Variants in KAZN observed in about 807,000 individuals in gnomAD.
The protein encoded by KAZN is kazrin, periplakin interacting protein.
A neutral mutation model predicts 87.4 loss-of-function variants in KAZN; 40 were observed. The observed-to-expected ratio is 0.46, with a 90% CI of 0.36 to 0.60. The LOEUF is 0.60. Ranked by LOEUF, KAZN falls within the 20% of genes least tolerant of loss-of-function variation. KAZN has a pLI of 0.00. For synonymous variants in KAZN, 466 were observed against 458.3 expected (o/e 1.02, Z -0.22); for missense variants, 898 against 1,073.9 (o/e 0.84, Z 2.29).
At chr1:14,047,898 A>G (rs1642146963) in intron 1 of KAZN, among the ~76,000 whole-genome samples, 2 of 151,712 alleles carry the variant, frequency 1.3e-5, no homozygotes, top group Admixed American at 6.6e-5. Flanking sequence ...ATAAAGAAAG[A>G]AGGAAGGAAA....
chr1:14,765,908 G>A (rs1475719558), intron 1 of KAZN, among the ~76,000 whole-genome samples: 1 of 152,182 alleles, frequency 6.6e-6, no homozygotes, highest in African/African-American at 2.4e-5. Context: ...CACACCAGAA[G>A]CCCGTCTGTG....
intron 2 of KAZN, among the ~76,000 whole-genome samples, chr1:14,376,482 C>G (rs969495970): frequency 1.3e-5 from 2 of 152,146 alleles, no homozygotes; most frequent in African/African-American, 2.4e-5. Flanking sequence ...ATCTCACTCT[C>G]TCTTGCTCTT....
intron 1 of KAZN, among the ~76,000 whole-genome samples, chr1:14,004,561 A>T (rs61777679): frequency 2.0e-5 from 3 of 152,114 alleles, no homozygotes; most frequent in African/African-American, 7.2e-5. Context: ...TGGGGTGCTT[A>T]GTGACTAGAA....
chr1:15,076,224 T>G (rs10927667), intron 8 of KAZN, among the ~76,000 whole-genome samples: 33,780 of 152,004 alleles, frequency 0.22, 4,509 homozygotes, highest in East Asian at 0.59. Context: ...GAGGTAACAG[T>G]CCCGGGTCAC....
chr1:14,552,075 G>A (rs1393620968), intron 2 of KAZN, among the ~76,000 whole-genome samples: 3 of 151,990 alleles, frequency 2.0e-5, no homozygotes, highest in African/African-American at 7.3e-5. Flanking sequence ...GTTCAAAGCT[G>A]AGATCTTAAT....
intron 2 of KAZN, among the ~76,000 whole-genome samples, chr1:14,388,880 A>G (rs1557683275): frequency 6.6e-6 from 1 of 152,230 alleles, no homozygotes; most frequent in Non-Finnish European, 1.5e-5. Context: ...GCTTCTGCAT[A>G]GCAAAGGAAA....
chr1:14,057,390 C>T (rs1642620161), intron 1 of KAZN, among the ~76,000 whole-genome samples: 1 of 152,174 alleles, frequency 6.6e-6, no homozygotes, highest in Admixed American at 6.5e-5. Flanking sequence ...TCCTCGGCCT[C>T]CCAAAGTGCT....
chr1:14,865,413 G>T (rs1335253086), intron 1 of KAZN, among the ~76,000 whole-genome samples: 1 of 152,150 alleles, frequency 6.6e-6, no homozygotes, highest in East Asian at 1.9e-4. Flanking sequence ...TTCCTGATTT[G>T]GTGTATTTTA....
intron 2 of KAZN, among the ~76,000 whole-genome samples, chr1:14,327,906 T>C (rs1406849355): frequency 4.6e-5 from 7 of 152,228 alleles, no homozygotes; most frequent in East Asian, 1.9e-4. Flanking sequence ...AATAAGATGG[T>C]CTTGCTAAGC....
chr1:13,902,361 G>A (rs1047506754), intron 1 of KAZN, among the ~76,000 whole-genome samples: 1 of 152,176 alleles, frequency 6.6e-6, no homozygotes, highest in Non-Finnish European at 1.5e-5. Flanking sequence ...CAGGGTGTAG[G>A]GGGTATATAC....
intron 1 of KAZN, among the ~76,000 whole-genome samples, chr1:14,119,787 C>T (rs148438216): frequency 4.6e-5 from 7 of 152,262 alleles, no homozygotes; most frequent in East Asian, 3.9e-4. Context: ...ACATCTGTCT[C>T]GTGTCACAAG....
At chr1:14,255,592 T>C (rs1650443147) in intron 2 of KAZN, among the ~76,000 whole-genome samples, 1 of 152,178 alleles carries the variant, frequency 6.6e-6, no homozygotes, top group Non-Finnish European at 1.5e-5. Flanking sequence ...GTTCCATCCA[T>C]CTACTGGTCT....
At chr1:14,416,608 G>A (rs1664781871) in intron 2 of KAZN, among the ~76,000 whole-genome samples, 1 of 151,982 alleles carries the variant, frequency 6.6e-6, no homozygotes, top group African/African-American at 2.4e-5. Flanking sequence ...ATGGTGGTGG[G>A]CACCTGTAAT....
intron 1 of KAZN, among the ~76,000 whole-genome samples, chr1:14,798,416 C>CTTTTTTT (rs545959773): frequency 7.9e-5 from 7 of 88,148 alleles, no homozygotes; most frequent in Non-Finnish European, 1.0e-4. Context: ...TGTTTCTTTC[C>CTTTTTTT]TTTTTTTTTT....
At chr1:14,097,340 G>A (rs1557472884) in intron 1 of KAZN, among the ~76,000 whole-genome samples, 3 of 152,146 alleles carry the variant, frequency 2.0e-5, no homozygotes, top group Admixed American at 6.5e-5. Context: ...GCTCCCTGTA[G>A]CCTAAAGCAT....
chr1:14,774,507 G>T (rs1218750592), intron 1 of KAZN, among the ~76,000 whole-genome samples: 1 of 141,584 alleles, frequency 7.1e-6, no homozygotes, highest in Non-Finnish European at 1.5e-5. Context: ...ATCTCGCTGT[G>T]TCACCCAGGC....
chr1:13,959,194 C>T (rs1641661665), intron 1 of KAZN, among the ~76,000 whole-genome samples: 1 of 152,170 alleles, frequency 6.6e-6, no homozygotes, highest in African/African-American at 2.4e-5. Context: ...CGCTTTCTAC[C>T]AGGTGAGGAT....
intron 1 of KAZN, among the ~76,000 whole-genome samples, chr1:14,870,341 G>A (rs1651999840): frequency 6.6e-6 from 1 of 152,074 alleles, no homozygotes; most frequent in South Asian, 2.1e-4. Context: ...ACTGTTTTTT[G>A]TTTTTTGTGT....
In KAZN at chr1:15,096,533, G is replaced by C. The variant is rs190725078; in HGVS notation, c.1547+1600G>C. ...TGTTGCACAACACAGCCCCTAAATG[G>C]GGCTGTCTTAGTCTGCTTGGGCTGC... On this transcript the variant is annotated intron_variant, in intron 10 of 14. Transcript: ENST00000376030. The surrounding 1 kb of genome is among the most constrained non-coding windows in gnomAD (Gnocchi z 4.5). Among the ~76,000 whole-genome samples, 111 of 152,248 alleles carry C rather than the reference G, an allele frequency of 7.3e-4. 1 individual carries two copies. The highest frequency in any genetic ancestry group is 2.4e-3 in the African/African-American group (100 of 41,538).
Sources: gnomAD v4.1 joint callset for allele counts (sites outside exome capture counted in the v4.1 genomes callset) on GRCh38, gnomAD v4.1.1 for gene constraint, Gnocchi (gnomAD v3.1) non-coding constraint, MANE v1.5 for transcripts, NCBI Gene and HGNC (gene_info 2026-07-23, HGNC 2026-07-21) for gene names.